USP9Y: variants seen among roughly 807,000 people sequenced by gnomAD.
USP9Y encodes the protein ubiquitin carboxyl-terminal hydrolase 9Y.
In USP9Y, 41 loss-of-function variants were observed where a neutral mutation model predicts 53.1. The observed-to-expected ratio is 0.77, with a 90% CI of 0.60 to 1.00. The LOEUF (loss-of-function observed/expected upper bound fraction) is 1.00, where lower values mean the gene tolerates loss of function less well. USP9Y is among the 50% of genes least tolerant of loss of function. The pLI, the probability that USP9Y is intolerant of heterozygous loss-of-function variation, is 0.00. For synonymous variants in USP9Y, 220 were observed against 173.7 expected (o/e 1.27, Z -2.09); for missense variants, 567 against 535.8 (o/e 1.06, Z -0.58).
chrY:12,738,139 T>C lies in USP9Y; in HGVS notation c.1165-18T>C. 1 of 380,192 alleles carries C rather than the reference T, an allele frequency of 2.6e-6. No individual in the cohort carries two copies. Among genetic ancestry groups the C allele is most frequent in the Non-Finnish European group, 3.6e-6 (1 of 274,134 alleles). 94.8% of individuals were successfully genotyped at this position (380,192 alleles called of 400,897 possible). On this transcript the variant is annotated intron_variant, in intron 10 of 45. Coordinates refer to ENST00000338981, the MANE Select transcript of USP9Y (RefSeq NM_004654.4). ...ATTTCTTTTTAGTTTCAGCATTGAATTTTTGTATTACATTTAGGAATGGAT... is the reference window on the plus strand; with the variant it reads ...ATTTCTTTTTAGTTTCAGCATTGAACTTTTGTATTACATTTAGGAATGGAT...
At chrY:12,816,060 C>A in intron 31 of USP9Y, 64 bp from the exon 32 acceptor site, 1 of 336,047 alleles carries the variant, frequency 3.0e-6, no homozygotes, top group African/African-American at 6.5e-5. Context: ...AATTTGTTAG[C>A]CTGAAAATGG....
At chrY:12,712,673 G>C in intron 3 of USP9Y, among the ~76,000 whole-genome samples, 1 of 33,075 alleles carries the variant, frequency 3.0e-5, no homozygotes, top group Non-Finnish European at 7.4e-5. Flanking sequence ...TGATATAGTT[G>C]TGTTAGTAAC....
intron 27 of USP9Y, among the ~76,000 whole-genome samples, chrY:12,795,377 C>T: frequency 3.0e-5 from 1 of 32,891 alleles, no homozygotes. Context: ...TATCTCTTCC[C>T]TTTTTTGCCT....
At chrY:12,818,665 C>A in intron 33 of USP9Y, 55 bp downstream of exon 33, 1 of 296,539 alleles carries the variant, frequency 3.4e-6, no homozygotes, top group Non-Finnish European at 5.2e-6. Flanking sequence ...ATACAGTAAA[C>A]TTCTAAAATG....
chrY:12,720,524 A>T, intron 3 of USP9Y, 65 bp from the exon 4 acceptor site: 1 of 293,056 alleles, frequency 3.4e-6, no homozygotes, highest in Admixed American at 8.8e-5. Context: ...ATATATGGAT[A>T]CTTAAAAATA....
In USP9Y at chrY:12,816,163, T is replaced by G. The variant is rs1353055084; in HGVS notation, c.4649T>G (p.Val1550Gly). The G allele has an allele frequency of 7.6e-6, 3 of 396,763 alleles. No individual in the cohort carries two copies. In the Admixed American group the frequency reaches 2.3e-4, roughly 30 times the overall value. The change falls in exon 32 of 46, where the codon GTT becomes GGT. Residue 1550 changes from valine to glycine, a missense_variant. Transcript: ENST00000338981. ...ACTGAGTGGGAATATCTGCCCCCTGTTGGACCCCGCCCACCAAAAGGATTT... is the reference window on the plus strand; with the variant it reads ...ACTGAGTGGGAATATCTGCCCCCTGGTGGACCCCGCCCACCAAAAGGATTT... ...ALTEWEYLPP[V>G]GPRPPKGFVG...
intron 27 of USP9Y, chrY:12,802,415 TC>T (rs2148288131): frequency 2.9e-5 from 1 of 34,827 alleles, no homozygotes; most frequent in Non-Finnish European, 7.3e-5. Context: ...TTTCCCTTTT[TC>T]TATCATTTCT....
At chrY:12,793,299 G>A in intron 27 of USP9Y, 98 bp downstream of exon 27, 2 of 247,022 alleles carry the variant, frequency 8.1e-6, no homozygotes, top group Non-Finnish European at 1.3e-5. Flanking sequence ...AGAAGTGAAG[G>A]AAGGAACCCT....
chrY:12,734,413 ATAT>A (rs2053449738), intron 7 of USP9Y, among the ~76,000 whole-genome samples: 1 of 33,663 alleles, frequency 3.0e-5, no homozygotes. Flanking sequence ...TTCCCTTTGA[ATAT>A]GGCTTTTTCT....
intron 33 of USP9Y, among the ~76,000 whole-genome samples, chrY:12,829,687 A>G (rs2053549469): frequency 2.9e-5 from 1 of 33,960 alleles, no homozygotes; most frequent in Non-Finnish European, 7.3e-5. Flanking sequence ...TGCAAAATAC[A>G]TACAAAATAA....
Position 12,786,342 on chromosome Y carries a change from T to C in USP9Y, c.3282+9T>C. On this transcript the variant is annotated intron_variant, in intron 23 of 45. Coordinates refer to ENST00000338981, the MANE Select transcript of USP9Y (RefSeq NM_004654.4). ...TTCTATACCTAACAGAGGTTGGTTT[T>C]TGCCTTTGCAAAAATGTAATTTTTA... is the stretch of plus-strand genomic sequence containing the variant. 2.5e-6 allele frequency: 1 copy of C among 398,188 alleles called. No homozygotes were observed. The highest frequency in any genetic ancestry group is 3.5e-6 in the Non-Finnish European group (1 of 283,049).
At chrY:12,817,176 T>G in intron 32 of USP9Y, among the ~76,000 whole-genome samples, 1 of 33,724 alleles carries the variant, frequency 3.0e-5, no homozygotes, top group African/African-American at 1.2e-4. Flanking sequence ...AGAGAATCAC[T>G]TGAACTCAGG....
intron 3 of USP9Y, 125 bp from the exon 4 acceptor site, chrY:12,720,464 T>C: frequency 5.0e-6 from 1 of 199,508 alleles, no homozygotes. Context: ...CCAAATTAAA[T>C]TTTAAAAAGA....
In USP9Y at chrY:12,833,799, A is replaced by G. The variant is rs1465573121; in HGVS notation, c.5133A>G (p.Ile1711Met). 7.5e-6 allele frequency: 3 copies of G among 398,381 alleles called. No individual in the cohort carries two copies. Among genetic ancestry groups the G allele is most frequent in the South Asian group, 3.0e-5 (1 of 33,732 alleles). ...TAAAAGCTTTAGGACACCCGGCTAT[A>G]CTAAGTAAAGTCCTAGGAGGCTCCT... ...EALKALGHPA[I>M]LSKVLGGSFA... Residue 1711 changes from isoleucine (I) to methionine (M), a missense_variant, in exon 34 of 46, where the codon ATA (isoleucine) becomes ATG (methionine). Coordinates refer to ENST00000338981, the MANE Select transcript of USP9Y (RefSeq NM_004654.4).
chrY:12,753,759 A>T (rs891702050), intron 12 of USP9Y, among the ~76,000 whole-genome samples: 2 of 33,258 alleles, frequency 6.0e-5, no homozygotes, highest in African/African-American at 2.3e-4. Flanking sequence ...CTGTTTTATT[A>T]CTGATGTTAG....
intron 27 of USP9Y, among the ~76,000 whole-genome samples, chrY:12,799,165 C>T: frequency 3.1e-5 from 1 of 32,768 alleles, no homozygotes; most frequent in Admixed American, 2.7e-4. Flanking sequence ...GAGGCCCCAC[C>T]CTAAGGTTAT....
intron 42 of USP9Y, among the ~76,000 whole-genome samples, chrY:12,854,399 A>G: frequency 3.0e-5 from 1 of 33,529 alleles, no homozygotes; most frequent in African/African-American, 1.2e-4. Context: ...ATTGTTTGCT[A>G]TGTGATTTTA....
At chrY:12,749,620 A>G in intron 12 of USP9Y, among the ~76,000 whole-genome samples, 1 of 33,387 alleles carries the variant, frequency 3.0e-5, no homozygotes, top group Non-Finnish European at 7.4e-5. Context: ...TTTTAGATTT[A>G]CTTTTTTCAT....
chrY:12,758,560 A>G lies in USP9Y; in HGVS notation c.1684A>G (p.Thr562Ala). The G allele has an allele frequency of 2.6e-6, 1 of 387,158 alleles. No homozygotes were observed. The highest frequency in any genetic ancestry group is 3.6e-6 in the Non-Finnish European group (1 of 275,291). Reference protein sequence around the residue: ...WIDHFIEELRTNDKWVIPALK... With the variant: ...WIDHFIEELRANDKWVIPALK... ...AGATCACTTTATAGAAGAACTTCGC[A>G]CAAATGACAAGTGGGTAATTCCTGC... The change falls in exon 14 of 46, where the codon ACA (threonine) becomes GCA (alanine). Residue 562 changes from threonine to alanine, a missense_variant. By Grantham distance (58) the Thr-to-Ala change is moderately conservative (BLOSUM62 0). Transcript: ENST00000338981.
Sources: allele counts gnomAD v4.1 joint callset (sites outside exome capture counted in the v4.1 genomes callset), GRCh38; gene constraint gnomAD v4.1.1; transcripts MANE v1.5; gene names NCBI Gene and HGNC (gene_info 2026-07-23, HGNC 2026-07-21).